The following SEZ6L variants were observed in gnomAD, a reference collection of about 807,000 sequenced individuals.
SEZ6L encodes the protein seizure related 6 homolog like, also known as seizure 6-like protein.
In SEZ6L, 37 loss-of-function variants were observed where a neutral mutation model predicts 106.2. That is an observed-to-expected ratio of 0.35 (90% CI 0.27 to 0.46). SEZ6L has a LOEUF of 0.46. Ranked by LOEUF, SEZ6L falls within the 20% of genes least tolerant of loss-of-function variation. The probability of loss-of-function intolerance (pLI) is 1.00; values close to 1 mark genes in which losing one functional copy is unlikely to be tolerated. For missense variants in SEZ6L, 1,172 were observed against 1,332.8 expected, an observed-to-expected ratio of 0.88 and a Z score of 1.88; for synonymous variants, 541 against 570.4, an observed-to-expected ratio of 0.95 and a Z score of 0.73.
At chr22:26,280,448 T>C (rs975750080) in intron 1 of SEZ6L, among the ~76,000 whole-genome samples, 11 of 152,192 alleles carry the variant, frequency 7.2e-5, no homozygotes, top group African/African-American at 1.4e-4. Context: ...TGCAAATATA[T>C]GTAGCCTTGT....
At chr22:26,184,565 A>G (rs1939646014) in intron 1 of SEZ6L, among the ~76,000 whole-genome samples, 1 of 152,242 alleles carries the variant, frequency 6.6e-6, no homozygotes, top group African/African-American at 2.4e-5. Context: ...AGGTGCTGGA[A>G]CAAAAACTAA....
chr22:26,380,270 C>T lies in SEZ6L; in HGVS notation c.3050C>T (p.Thr1017Ile). Residue 1017 changes from threonine to isoleucine, a missense_variant, in exon 17 of 17, where the codon ACC becomes ATC. Coordinates refer to ENST00000248933, the MANE Select transcript of SEZ6L (RefSeq NM_021115.5). ...FDNPIYETGE[T>I]REYEVSI Reference sequence around the variant, plus strand: ...CCGTGCTTCTCTCTCTTGCAGGAAACCAGAGAGTATGAGGTTTCTATCTAA... The same window carrying T: ...CCGTGCTTCTCTCTCTTGCAGGAAATCAGAGAGTATGAGGTTTCTATCTAA... 1 of 1,613,616 alleles carries T rather than the reference C, an allele frequency of 6.2e-7. No individual in the cohort carries two copies. The highest frequency in any genetic ancestry group is 1.1e-5 in the South Asian group (1 of 91,012).
chr22:26,257,256 AGTCCTT>A (rs2079852895), intron 1 of SEZ6L, among the ~76,000 whole-genome samples: 1 of 152,218 alleles, frequency 6.6e-6, no homozygotes, highest in Non-Finnish European at 1.5e-5. Context: ...AGCAAGCTCT[AGTCCTT>A]GAAGAGAAGC....
At chr22:26,320,331 C>T (rs596089) in intron 9 of SEZ6L, among the ~76,000 whole-genome samples, 103,666 of 151,690 alleles carry the variant, frequency 0.68, 35,435 homozygotes, top group South Asian at 0.76. Flanking sequence ...AAAGTGATGA[C>T]GGAACCACAG....
At chr22:26,337,789 G>A (rs993137998) in intron 9 of SEZ6L, among the ~76,000 whole-genome samples, 4 of 152,154 alleles carry the variant, frequency 2.6e-5, no homozygotes, top group African/African-American at 9.7e-5. Flanking sequence ...TTTGGGAGTA[G>A]CATAGGGGAA....
At chr22:26,311,717 T>A (rs768002599) in intron 7 of SEZ6L, 51 bp from the exon 8 acceptor site, 1 of 1,505,568 alleles carries the variant, frequency 6.6e-7, no homozygotes, top group Admixed American at 1.7e-5. Flanking sequence ...TATAGCACCG[T>A]GGGGTAGTCC....
chr22:26,289,916 C>T (rs1008556711), intron 1 of SEZ6L, among the ~76,000 whole-genome samples: 8 of 152,172 alleles, frequency 5.3e-5, no homozygotes, highest in Admixed American at 1.3e-4. Flanking sequence ...GACATCTTCA[C>T]GGGGATGTTC....
chr22:26,288,916 A>C (rs557332550), intron 1 of SEZ6L, among the ~76,000 whole-genome samples: 19 of 143,378 alleles, frequency 1.3e-4, no homozygotes, highest in East Asian at 9.7e-4. Context: ...CAGATAACCC[A>C]AAAAAAAACC....
At chr22:26,292,148 G>C (rs1316893541) in intron 1 of SEZ6L, 1 of 405,046 alleles carries the variant, frequency 2.5e-6, no homozygotes, top group Non-Finnish European at 4.3e-6. Flanking sequence ...AAGAAAGAAA[G>C]GAAGGAAGGA....
At chr22:26,268,720 C>T (rs2080266476) in intron 1 of SEZ6L, among the ~76,000 whole-genome samples, 1 of 152,186 alleles carries the variant, frequency 6.6e-6, no homozygotes, top group Admixed American at 6.5e-5. Context: ...TAGCAATACC[C>T]TCGGCTTCCA....
chr22:26,289,126 C>A (rs950986657), intron 1 of SEZ6L, among the ~76,000 whole-genome samples: 2 of 152,214 alleles, frequency 1.3e-5, no homozygotes, highest in African/African-American at 4.8e-5. Flanking sequence ...GAGACCCATG[C>A]AAAGTCATGC....
chr22:26,324,718 A>T (rs1601504156), intron 9 of SEZ6L, among the ~76,000 whole-genome samples: 1 of 152,356 alleles, frequency 6.6e-6, no homozygotes. Context: ...CCCTGGAGCC[A>T]AAAGTTCGAA....
chr22:26,325,927 CCACACACACACA>C (rs59284489), intron 9 of SEZ6L, among the ~76,000 whole-genome samples: 2 of 149,398 alleles, frequency 1.3e-5, no homozygotes, highest in South Asian at 2.1e-4. Flanking sequence ...ATCACACACA[CCACACACACACA>C]CACACACACA....
At chr22:26,282,312 A>G (rs2080797686) in intron 1 of SEZ6L, among the ~76,000 whole-genome samples, 2 of 152,198 alleles carry the variant, frequency 1.3e-5, no homozygotes, top group African/African-American at 4.8e-5. Context: ...ACTATAAACA[A>G]TGCTTTGTAT....
Position 26,294,402 on chromosome 22 carries a change from A to G in SEZ6L, c.946A>G (p.Thr316Ala), listed in dbSNP as rs775981700. The change falls in exon 3 of 17, where the codon ACT becomes GCT. Residue 316 changes from threonine to alanine, a missense_variant. By Grantham distance (58) the Thr-to-Ala change is moderately conservative (BLOSUM62 0). Coordinates refer to ENST00000248933, the MANE Select transcript of SEZ6L (RefSeq NM_021115.5). ...GTGCACATACAACGTGACAGTCTAC[A>G]CTGGCTATGGGGTGGAGCTCCAGGT... ...LECTYNVTVY[T>A]GYGVELQVKS... The G allele has an allele frequency of 1.9e-6, 3 of 1,614,006 alleles. No individual in the cohort carries two copies. Among genetic ancestry groups the G allele is most frequent in the Non-Finnish European group, 2.5e-6 (3 of 1,179,994 alleles).
intron 9 of SEZ6L, among the ~76,000 whole-genome samples, chr22:26,331,302 C>A (rs2082473480): frequency 6.6e-6 from 1 of 152,204 alleles, no homozygotes; most frequent in African/African-American, 2.4e-5. Flanking sequence ...CCAGTGAAAG[C>A]AATGAGGGTC....
intron 14 of SEZ6L, among the ~76,000 whole-genome samples, chr22:26,375,169 G>T (rs1181472127): frequency 6.6e-6 from 1 of 151,978 alleles, no homozygotes; most frequent in African/African-American, 2.4e-5. Context: ...CCTGCATCTG[G>T]GGTCCAGACC....
At chr22:26,347,083 C>T (rs568525502) in intron 10 of SEZ6L, among the ~76,000 whole-genome samples, 2 of 151,780 alleles carry the variant, frequency 1.3e-5, no homozygotes, top group Admixed American at 1.3e-4. Flanking sequence ...GTGGTCCCAG[C>T]TACTTGAGAG....
intron 1 of SEZ6L, among the ~76,000 whole-genome samples, chr22:26,279,144 C>T (rs1188921007): frequency 6.6e-6 from 1 of 152,198 alleles, no homozygotes; most frequent in Non-Finnish European, 1.5e-5. Flanking sequence ...CATGCTCTGT[C>T]TGTGACTGCA....
Sources: allele counts gnomAD v4.1 joint callset (sites outside exome capture counted in the v4.1 genomes callset), GRCh38; gene constraint gnomAD v4.1.1; transcripts MANE v1.5; gene names NCBI Gene and HGNC (gene_info 2026-07-23, HGNC 2026-07-21).